NTM: variants seen among roughly 807,000 people sequenced by gnomAD.
The protein encoded by NTM is neurotrimin, also known as IgLON family member 2.
In NTM, 13 loss-of-function variants were observed where a neutral mutation model predicts 42.1. That is an observed-to-expected ratio of 0.31 (90% CI 0.20 to 0.49). The LOEUF is 0.49. NTM is among the 20% of genes least tolerant of loss of function. The pLI, the probability that NTM is intolerant of heterozygous loss-of-function variation, is 0.99. For synonymous variants in NTM, 187 were observed against 179.2 expected (o/e 1.04, Z -0.35); for missense variants, 373 against 452.8 (o/e 0.82, Z 1.60).
At chr11:132,179,663 C>T (rs2077279284) in intron 3 of NTM, among the ~76,000 whole-genome samples, 1 of 152,150 alleles carries the variant, frequency 6.6e-6, no homozygotes, top group African/African-American at 2.4e-5. Context: ...AGGGACGAAG[C>T]TGACCCACTC....
At chr11:131,984,834 C>T (rs1159972231) in intron 2 of NTM, among the ~76,000 whole-genome samples, 1 of 152,120 alleles carries the variant, frequency 6.6e-6, no homozygotes, top group Admixed American at 6.5e-5. Flanking sequence ...TTTTGTGTTA[C>T]TGTGCCCTTT....
intron 1 of NTM, among the ~76,000 whole-genome samples, chr11:131,430,852 A>C (rs1220196583): frequency 6.6e-6 from 1 of 152,198 alleles, no homozygotes; most frequent in Non-Finnish European, 1.5e-5. Flanking sequence ...CTCTTCCTGA[A>C]TGCTCTCTCC....
intron 1 of NTM, among the ~76,000 whole-genome samples, chr11:131,707,563 A>G (rs550667424): frequency 5.3e-5 from 8 of 152,054 alleles, no homozygotes; most frequent in African/African-American, 1.7e-4. Flanking sequence ...TTTGAAAGGG[A>G]CCTCAATATT....
chr11:131,980,661 A>T (rs992644356), intron 2 of NTM, among the ~76,000 whole-genome samples: 4 of 152,226 alleles, frequency 2.6e-5, no homozygotes, highest in Admixed American at 2.6e-4. Flanking sequence ...ATAAGCATTT[A>T]TTGAGCACAT....
chr11:131,798,704 A>G (rs2091843396), intron 1 of NTM, among the ~76,000 whole-genome samples: 1 of 152,250 alleles, frequency 6.6e-6, no homozygotes, highest in Non-Finnish European at 1.5e-5. Context: ...TGTGAATATC[A>G]GCTATTATAT....
chr11:131,549,226 A>G (rs934765045), intron 1 of NTM, among the ~76,000 whole-genome samples: 7 of 152,210 alleles, frequency 4.6e-5, no homozygotes, highest in Admixed American at 4.6e-4. Flanking sequence ...ATGGAGGCAT[A>G]GAAGCTGAGG....
At chr11:132,174,340 A>C (rs1415980757) in intron 3 of NTM, among the ~76,000 whole-genome samples, 3 of 152,254 alleles carry the variant, frequency 2.0e-5, no homozygotes, top group Non-Finnish European at 2.9e-5. Flanking sequence ...AAATTAAATC[A>C]TGGAAGTGAA....
At chr11:131,836,722 T>G (rs2043544129) in intron 1 of NTM, among the ~76,000 whole-genome samples, 1 of 152,172 alleles carries the variant, frequency 6.6e-6, no homozygotes, top group Non-Finnish European at 1.5e-5. Flanking sequence ...ATGGTTTCAT[T>G]CCTCAGGGGA....
At chr11:132,134,753 A>ATCTCTCTATC (rs1242114738) in intron 2 of NTM, among the ~76,000 whole-genome samples, 1 of 97,868 alleles carries the variant, frequency 1.0e-5, no homozygotes, top group African/African-American at 3.7e-5. Context: ...ATATATATAT[A>ATCTCTCTATC]TATATATCTC....
intron 1 of NTM, among the ~76,000 whole-genome samples, chr11:131,725,600 A>T (rs1338444833): frequency 6.6e-6 from 1 of 152,202 alleles, no homozygotes; most frequent in Non-Finnish European, 1.5e-5. Context: ...TTCCAGAAAC[A>T]TCAAGGACGT....
intron 1 of NTM, among the ~76,000 whole-genome samples, chr11:131,600,301 G>A (rs1592181029): frequency 6.6e-6 from 1 of 152,148 alleles, no homozygotes; most frequent in South Asian, 2.1e-4. Context: ...TAATAGAAAA[G>A]GTTATTGAAA....
chr11:132,158,556 G>T (rs1425267901), intron 3 of NTM, among the ~76,000 whole-genome samples: 1 of 152,214 alleles, frequency 6.6e-6, no homozygotes, highest in East Asian at 1.9e-4. Context: ...GCTTGATCTG[G>T]CATGTTCATT....
At chr11:131,781,376 T>G (rs1327455194) in intron 1 of NTM, among the ~76,000 whole-genome samples, 1 of 151,968 alleles carries the variant, frequency 6.6e-6, no homozygotes, top group African/African-American at 2.4e-5. Context: ...ATTCAAATAA[T>G]AAATAATTGT....
At chr11:131,511,724 C>T (rs2048279036) in intron 1 of NTM, among the ~76,000 whole-genome samples, 1 of 152,212 alleles carries the variant, frequency 6.6e-6, no homozygotes. Context: ...GCAGCTGCGT[C>T]CTCCACCTCC....
chr11:131,573,476 C>A (rs370418740), intron 1 of NTM: 9 of 152,186 alleles, frequency 5.9e-5, no homozygotes, highest in African/African-American at 2.2e-4. Flanking sequence ...TTCAGTTCAA[C>A]TGAAAGTAAC....
chr11:131,960,016 TTG>T (rs1206439166), intron 2 of NTM, among the ~76,000 whole-genome samples: 1 of 152,188 alleles, frequency 6.6e-6, no homozygotes, highest in Non-Finnish European at 1.5e-5. Flanking sequence ...TGGAGGGTAG[TTG>T]TGTTATCCAT....
chr11:131,504,129 G>A (rs547890307), intron 1 of NTM, among the ~76,000 whole-genome samples: 1 of 152,108 alleles, frequency 6.6e-6, no homozygotes, highest in South Asian at 2.1e-4. Flanking sequence ...CCTGCTTCTG[G>A]ACACTGTGGC....
intron 1 of NTM, among the ~76,000 whole-genome samples, chr11:131,376,976 G>T (rs1942056498): frequency 6.6e-6 from 1 of 152,190 alleles, no homozygotes; most frequent in African/African-American, 2.4e-5. Flanking sequence ...CAAAGACCTA[G>T]TTGGGTCTCT....
At chr11:131,442,327 A>C (rs1246311151) in intron 1 of NTM, among the ~76,000 whole-genome samples, 1 of 152,190 alleles carries the variant, frequency 6.6e-6, no homozygotes, top group Non-Finnish European at 1.5e-5. Flanking sequence ...CACTGTCTTC[A>C]TCATCCTCCT....
Sources: gnomAD v4.1 joint callset for allele counts (sites outside exome capture counted in the v4.1 genomes callset) on GRCh38, gnomAD v4.1.1 for gene constraint, MANE v1.5 for transcripts, NCBI Gene and HGNC (gene_info 2026-07-23, HGNC 2026-07-21) for gene names.